Variants in SPMIP2 observed in about 807,000 individuals in gnomAD.
SPMIP2 encodes sperm microtubule inner protein 2.
At chr4:159,044,089 C>G in the SPMIP2 span, among the ~76,000 whole-genome samples, 1 of 152,028 alleles carries the variant, frequency 6.6e-6, no homozygotes, top group African/African-American at 2.4e-5. Flanking sequence ...GAGAAAATTA[C>G]TTTTCTTGTT....
chr4:159,055,606 G>C, the SPMIP2 span, among the ~76,000 whole-genome samples: 3 of 151,984 alleles, frequency 2.0e-5, no homozygotes, highest in African/African-American at 7.3e-5. Context: ...GCTAATTGAG[G>C]AGCTGAGGCT....
chr4:158,920,066 G>T, the SPMIP2 span, among the ~76,000 whole-genome samples: 1 of 152,206 alleles, frequency 6.6e-6, no homozygotes, highest in Non-Finnish European at 1.5e-5. Flanking sequence ...ACCAGCTGGA[G>T]CTGCAGCAGA....
the SPMIP2 span, among the ~76,000 whole-genome samples, chr4:158,965,975 G>A: frequency 6.6e-6 from 1 of 152,196 alleles, no homozygotes; most frequent in Non-Finnish European, 1.5e-5. Flanking sequence ...TAAAGCCATT[G>A]GAATGTGGCT....
the SPMIP2 span, among the ~76,000 whole-genome samples, chr4:158,912,801 C>A: frequency 2.0e-5 from 3 of 152,104 alleles, no homozygotes; most frequent in Non-Finnish European, 4.4e-5. Flanking sequence ...TAGAAGAAAG[C>A]CTCATTGATA....
chr4:159,071,149 T>C, the SPMIP2 span, among the ~76,000 whole-genome samples: 1 of 152,210 alleles, frequency 6.6e-6, no homozygotes, highest in African/African-American at 2.4e-5. Context: ...AAAAAAATTA[T>C]TAGTGGCTGC....
the SPMIP2 span, among the ~76,000 whole-genome samples, chr4:158,958,494 C>A: frequency 6.6e-6 from 1 of 152,168 alleles, no homozygotes; most frequent in Non-Finnish European, 1.5e-5. Flanking sequence ...CCCTAGAATA[C>A]AAGTTCCAAG....
the SPMIP2 span, chr4:159,026,423 G>A: frequency 1.0e-6 from 1 of 984,016 alleles, no homozygotes; most frequent in Non-Finnish European, 1.6e-6. Context: ...GAGTGGGATG[G>A]GAAGAAAAGC....
the SPMIP2 span, among the ~76,000 whole-genome samples, chr4:158,995,014 A>C: frequency 6.6e-6 from 1 of 152,244 alleles, no homozygotes; most frequent in Non-Finnish European, 1.5e-5. Flanking sequence ...GAGCCAAATA[A>C]ACAGCAGGCT....
the SPMIP2 span, among the ~76,000 whole-genome samples, chr4:158,949,836 C>G: frequency 6.6e-6 from 1 of 152,114 alleles, no homozygotes; most frequent in African/African-American, 2.4e-5. Context: ...GAAAGCGGAT[C>G]AGTTATATAT....
the SPMIP2 span, among the ~76,000 whole-genome samples, chr4:159,029,927 C>A: frequency 7.2e-5 from 11 of 151,860 alleles, no homozygotes; most frequent in African/African-American, 2.4e-4. Flanking sequence ...AAATTAGCAT[C>A]AAAAATGTAT....
chr4:159,013,485 C>A, the SPMIP2 span, among the ~76,000 whole-genome samples: 1 of 152,278 alleles, frequency 6.6e-6, no homozygotes, highest in Non-Finnish European at 1.5e-5. Flanking sequence ...GACTGGTGAG[C>A]CCCTCTTCCT....
chr4:159,018,416 C>T, the SPMIP2 span, among the ~76,000 whole-genome samples: 2 of 152,170 alleles, frequency 1.3e-5, no homozygotes, highest in South Asian at 2.1e-4. Flanking sequence ...TGACACAGTA[C>T]GAACCTGCCA....
chr4:159,066,346 G>C, the SPMIP2 span, among the ~76,000 whole-genome samples: 1 of 151,984 alleles, frequency 6.6e-6, no homozygotes, highest in Non-Finnish European at 1.5e-5. Flanking sequence ...GTGCCACAGG[G>C]AAATATGCTT....
chr4:158,946,080 C>T, the SPMIP2 span, among the ~76,000 whole-genome samples: 1 of 152,158 alleles, frequency 6.6e-6, no homozygotes, highest in Admixed American at 6.5e-5. Context: ...GATAGTGCCT[C>T]TTTCTCACAC....
chr4:158,970,755 T>C, the SPMIP2 span, among the ~76,000 whole-genome samples: 1 of 152,174 alleles, frequency 6.6e-6, no homozygotes, highest in Admixed American at 6.5e-5. Flanking sequence ...CAAGGAGCTT[T>C]AAGGTATTGT....
chr4:159,047,204 TA>T, the SPMIP2 span, among the ~76,000 whole-genome samples: 1 of 152,126 alleles, frequency 6.6e-6, no homozygotes, highest in Admixed American at 6.5e-5. Flanking sequence ...TTATAGTTTT[TA>T]AAAAAATTAT....
the SPMIP2 span, among the ~76,000 whole-genome samples, chr4:159,076,207 T>C: frequency 6.6e-6 from 1 of 152,200 alleles, no homozygotes; most frequent in African/African-American, 2.4e-5. Context: ...TTAAAACTTA[T>C]CCTCAAACCT....
At chr4:158,911,282 A>G in the SPMIP2 span, among the ~76,000 whole-genome samples, 1 of 152,036 alleles carries the variant, frequency 6.6e-6, no homozygotes, top group Non-Finnish European at 1.5e-5. Context: ...CAGGAGGCGG[A>G]GGCTGCAGTG....
chr4:158,898,570 A>G, the SPMIP2 span, among the ~76,000 whole-genome samples: 1 of 152,132 alleles, frequency 6.6e-6, no homozygotes, highest in African/African-American at 2.4e-5. Flanking sequence ...TGTAAGTTAT[A>G]TTACTAGGTA....
Sources: gnomAD v4.1 joint callset for allele counts (sites outside exome capture counted in the v4.1 genomes callset) on GRCh38, gnomAD v4.1.1 for gene constraint, MANE v1.5 for transcripts, NCBI Gene and HGNC (gene_info 2026-07-23, HGNC 2026-07-21) for gene names.